DPYS: variants seen among roughly 807,000 people sequenced by gnomAD.
DPYS encodes dihydropyrimidine amidohydrolase.
Under a neutral mutation model 50.3 loss-of-function variants are expected in DPYS, and 39 were observed. The observed-to-expected ratio is 0.78, with a 90% CI of 0.60 to 1.01. The LOEUF (loss-of-function observed/expected upper bound fraction) is 1.01, where lower values mean the gene tolerates loss of function less well. DPYS is among the 50% of genes least tolerant of loss of function. The pLI, the probability that DPYS is intolerant of heterozygous loss-of-function variation, is 0.00. For missense variants in DPYS, 659 were observed against 680.9 expected, an observed-to-expected ratio of 0.97 and a Z score of 0.36; for synonymous variants, 245 against 250.7, an observed-to-expected ratio of 0.98 and a Z score of 0.22.
intron 1 of DPYS, among the ~76,000 whole-genome samples, chr8:104,457,172 C>T (rs1813953950): frequency 6.6e-6 from 1 of 152,118 alleles, no homozygotes. Flanking sequence ...ACTTTGGGGC[C>T]ATTATGAAGT....
intron 7 of DPYS, among the ~76,000 whole-genome samples, chr8:104,395,000 T>C (rs1811531525): frequency 6.6e-6 from 1 of 151,752 alleles, no homozygotes; most frequent in African/African-American, 2.4e-5. Context: ...TTAATTTTAA[T>C]TTTTAGTTTT....
intron 7 of DPYS, among the ~76,000 whole-genome samples, chr8:104,423,787 T>C (rs1253559599): frequency 6.6e-6 from 1 of 152,238 alleles, no homozygotes; most frequent in East Asian, 1.9e-4. Context: ...CTAGGAATGA[T>C]AGGCTGAAGA....
chr8:104,409,855 C>T (rs994450800), intron 7 of DPYS, among the ~76,000 whole-genome samples: 7 of 152,180 alleles, frequency 4.6e-5, no homozygotes, highest in African/African-American at 1.4e-4. Context: ...AGGGGAGTAA[C>T]TTGCCCAAGG....
intron 7 of DPYS, among the ~76,000 whole-genome samples, chr8:104,397,818 C>A (rs1419771194): frequency 6.6e-6 from 1 of 152,174 alleles, no homozygotes; most frequent in Admixed American, 6.5e-5. Context: ...AAACCACTTC[C>A]AACTTTTGAG....
chr8:104,418,470 G>C (rs1812440212), intron 7 of DPYS, among the ~76,000 whole-genome samples: 2 of 152,128 alleles, frequency 1.3e-5, no homozygotes. Flanking sequence ...TTATTCATTT[G>C]ATTAAATAAC....
At chr8:104,410,925 T>C (rs1297538462) in intron 7 of DPYS, among the ~76,000 whole-genome samples, 1 of 151,930 alleles carries the variant, frequency 6.6e-6, no homozygotes, top group African/African-American at 2.4e-5. Flanking sequence ...CAGAGCCACC[T>C]CCAAGGATTC....
At chr8:104,447,539 AC>A in intron 2 of DPYS, 36 bp from the exon 3 acceptor site, 2 of 1,605,272 alleles carry the variant, frequency 1.2e-6, no homozygotes, top group South Asian at 2.2e-5. Context: ...ACAATATGTT[AC>A]TCTAATTTAA....
At chr8:104,446,141 G>T (rs1813522131) in intron 3 of DPYS, among the ~76,000 whole-genome samples, 1 of 152,160 alleles carries the variant, frequency 6.6e-6, no homozygotes, top group Non-Finnish European at 1.5e-5. Flanking sequence ...AAGGGTAAAT[G>T]CTTGAGGGGA....
intron 7 of DPYS, among the ~76,000 whole-genome samples, chr8:104,399,002 G>A (rs1179899969): frequency 2.0e-5 from 3 of 152,058 alleles, no homozygotes; most frequent in African/African-American, 4.8e-5. Flanking sequence ...AAGAAAGCAA[G>A]AAAACAGGCC....
At chr8:104,424,712 A>G (rs1227751239) in intron 6 of DPYS, among the ~76,000 whole-genome samples, 1 of 152,226 alleles carries the variant, frequency 6.6e-6, no homozygotes, top group Non-Finnish European at 1.5e-5. Flanking sequence ...ATTCTCCTTT[A>G]AAGTTTGACA....
chr8:104,395,273 A>G (rs1376294374), intron 7 of DPYS, among the ~76,000 whole-genome samples: 4 of 152,262 alleles, frequency 2.6e-5, no homozygotes, highest in Non-Finnish European at 5.9e-5. Flanking sequence ...TGTTGGGATT[A>G]CGGGCATGAG....
intron 7 of DPYS, among the ~76,000 whole-genome samples, chr8:104,408,957 G>T (rs1812086832): frequency 6.6e-6 from 1 of 151,682 alleles, no homozygotes; most frequent in South Asian, 2.1e-4. Context: ...CGGATTACAG[G>T]CGCCGGCCAC....
At chr8:104,465,987 T>TGTGA (rs146604601) in intron 1 of DPYS, among the ~76,000 whole-genome samples, 3,360 of 151,854 alleles carry the variant, frequency 0.022, 116 homozygotes, top group African/African-American at 0.078. Flanking sequence ...CGTTGGTGTG[T>TGTGA]GTGAGTGTTG....
At chr8:104,410,904 A>G (rs1340367069) in intron 7 of DPYS, among the ~76,000 whole-genome samples, 2 of 151,916 alleles carry the variant, frequency 1.3e-5, no homozygotes, top group Admixed American at 6.6e-5. Context: ...TACTGTCCCC[A>G]TCCACCTGTC....
At chr8:104,394,657 T>C (rs1811517526) in intron 7 of DPYS, among the ~76,000 whole-genome samples, 1 of 151,836 alleles carries the variant, frequency 6.6e-6, no homozygotes, top group Non-Finnish European at 1.5e-5. Flanking sequence ...AAATTGTCTT[T>C]TAAAAATGAA....
chr8:104,446,830 A>G (rs1402299886), intron 3 of DPYS, among the ~76,000 whole-genome samples: 1 of 152,238 alleles, frequency 6.6e-6, no homozygotes, highest in African/African-American at 2.4e-5. Flanking sequence ...AACATGAGAA[A>G]TAAATATCAT....
At chr8:104,423,906 C>A (rs62510110) in intron 7 of DPYS, 3 of 845,666 alleles carry the variant, frequency 3.5e-6, no homozygotes, top group African/African-American at 3.7e-5. Context: ...TTCAATTCAA[C>A]CCTTTTCAAA....
At position 104,423,974 on chromosome 8, in the gene DPYS, T is replaced by C. The variant is rs1200861141; in HGVS notation, c.1235+273A>G. 4 of 985,134 alleles carry C rather than the reference T, an allele frequency of 4.1e-6. No individual in the cohort carries two copies. The African/African-American group carries it at 7.0e-5, about 17-fold the overall frequency. The allele number at this position is 985,134 out of a possible 1,614,324, so 61.0% of individuals were successfully genotyped here. On this transcript the variant is annotated intron_variant, in intron 7 of 9. Coordinates refer to ENST00000351513, the MANE Select transcript of DPYS (RefSeq NM_001385.3). ...CTTTCTTCCATGTGAACTCGGGCAT[T>C]TGCCAGGCACTGAAGTGGTAAATTC...
chr8:104,390,921 T>G (rs1266401470), intron 8 of DPYS, among the ~76,000 whole-genome samples: 1 of 152,172 alleles, frequency 6.6e-6, no homozygotes, highest in Non-Finnish European at 1.5e-5. Flanking sequence ...CTGCTGTTAT[T>G]TATCACATAC....
Sources: gnomAD v4.1 joint callset for allele counts (sites outside exome capture counted in the v4.1 genomes callset) on GRCh38, gnomAD v4.1.1 for gene constraint, MANE v1.5 for transcripts, NCBI Gene and HGNC (gene_info 2026-07-23, HGNC 2026-07-21) for gene names.